The following TOMM20L variants were observed in gnomAD, a reference collection of about 807,000 sequenced individuals.
TOMM20L encodes the protein TOMM20-like protein 1.
In TOMM20L, 19 loss-of-function variants were observed where a neutral mutation model predicts 20.4. The observed-to-expected ratio is 0.93, with a 90% CI of 0.65 to 1.36. TOMM20L has a LOEUF of 1.36. Ranked by LOEUF, TOMM20L falls within the 40% of genes most tolerant of loss-of-function variation. The pLI, the probability that TOMM20L is intolerant of heterozygous loss-of-function variation, is 0.00. For synonymous variants in TOMM20L, 75 were observed against 79.6 expected (o/e 0.94, Z 0.30); for missense variants, 218 against 203.7 (o/e 1.07, Z -0.43).
chr14:58,397,449 G>A (rs2140299050), intron 2 of TOMM20L, among the ~76,000 whole-genome samples: 1 of 152,342 alleles, frequency 6.6e-6, no homozygotes, highest in East Asian at 1.9e-4. Context: ...GGTTTTGAAA[G>A]CACTTGTGTG....
At chr14:58,408,703 C>T (rs2036111453), downstream of TOMM20L, 2 of 905,522 alleles carry the variant, frequency 2.2e-6, no homozygotes, top group Non-Finnish European at 1.6e-6. Context: ...CTATCTCATA[C>T]ATGATCGAAC....
intron 2 of TOMM20L, among the ~76,000 whole-genome samples, chr14:58,400,465 G>A (rs868004519): frequency 2.7e-5 from 4 of 150,780 alleles, no homozygotes; most frequent in African/African-American, 4.9e-5. Context: ...TCAGCTTGGC[G>A]CTATGCCTTT....
At chr14:58,410,147 C>G (rs999727266), downstream of TOMM20L, among the ~76,000 whole-genome samples, 1 of 152,140 alleles carries the variant, frequency 6.6e-6, no homozygotes, top group Non-Finnish European at 1.5e-5. Context: ...TCACAGCTCA[C>G]TGCAACCTCT....
At position 58,396,034 on chromosome 14, in the gene TOMM20L, G is replaced by A; in HGVS notation, c.77G>A (p.Cys26Tyr). Residue 26 changes from cysteine (C) to tyrosine (Y), a missense_variant, in exon 1 of 5, where the codon TGT (cysteine) becomes TAT (tyrosine). Coordinates refer to ENST00000360945, the MANE Select transcript of TOMM20L (RefSeq NM_207377.3). ...ACGAFAFLGY[C>Y]IYLNRKRRGD... ...GGCGCCTTCGCCTTCCTGGGCTATT[G>A]TATTTACCTCAACCGGAAGCGGCGC... The A allele has an allele frequency of 6.9e-7, 1 of 1,440,436 alleles. No homozygotes were observed. The highest frequency in any genetic ancestry group is 9.2e-7 in the Non-Finnish European group (1 of 1,091,844). The allele number at this position is 1,440,436 out of a possible 1,614,324, so 89.2% of individuals were successfully genotyped here.
chr14:58,411,591 G>A (rs1381776526), downstream of TOMM20L, among the ~76,000 whole-genome samples: 1 of 151,772 alleles, frequency 6.6e-6, no homozygotes, highest in African/African-American at 2.4e-5. Flanking sequence ...CCAGGCTGGA[G>A]TGCAATGCCA....
At chr14:58,409,169 C>T, downstream of TOMM20L, 2 of 1,610,776 alleles carry the variant, frequency 1.2e-6, no homozygotes, top group Non-Finnish European at 1.7e-6. Context: ...AACAGGTGGT[C>T]TAGGAATGAA....
the TOMM20L span, among the ~76,000 whole-genome samples, chr14:58,416,762 T>TA: frequency 5.1e-4 from 77 of 152,346 alleles, no homozygotes; most frequent in Non-Finnish European, 9.1e-4. Context: ...TACATGGTGA[T>TA]AAACTAAATC....
At chr14:58,396,864 C>T (rs1441425999) in intron 2 of TOMM20L, among the ~76,000 whole-genome samples, 1 of 152,162 alleles carries the variant, frequency 6.6e-6, no homozygotes, top group African/African-American at 2.4e-5. Flanking sequence ...GGAGGCAAGG[C>T]GGGCAGATCA....
Position 58,404,099 on chromosome 14 carries a change from GTATA to G in TOMM20L, c.262+1356_262+1359del, listed in dbSNP as rs1491246989. ...GTACAATGTATATATACATATATAT[GTATA>G]TATATATATATATATATTTTTTTTT... On this transcript the variant is annotated intron_variant, in intron 3 of 4. Coordinates refer to ENST00000360945, the MANE Select transcript of TOMM20L (RefSeq NM_207377.3). Among the ~76,000 whole-genome samples, 30 of 22,944 alleles carry G rather than the reference GTATA, an allele frequency of 1.3e-3. 8 individuals carry two copies. The East Asian group carries it at 0.019, about 14-fold the overall frequency. The allele number at this position is 22,944 out of a possible 152,430, so 15.1% of individuals were successfully genotyped here. A position where few individuals can be genotyped will look rare whatever the true frequency, so the allele number is the denominator to read the frequency against.
intron 2 of TOMM20L, among the ~76,000 whole-genome samples, chr14:58,401,957 A>C (rs557801670): frequency 6.6e-6 from 1 of 152,240 alleles, no homozygotes. Context: ...AACAGGTCTC[A>C]CAACTAAAAG....
At chr14:58,403,232 CCTGTAGTCCCAGCTA>C (rs1220297611) in intron 3 of TOMM20L, among the ~76,000 whole-genome samples, 3 of 152,164 alleles carry the variant, frequency 2.0e-5, no homozygotes, top group African/African-American at 7.2e-5. Context: ...ATGGCATGTG[CCTGTAGTCCCAGCTA>C]CTCAGAAGGC....
At chr14:58,399,916 A>T (rs1192844632) in intron 2 of TOMM20L, among the ~76,000 whole-genome samples, 4 of 137,302 alleles carry the variant, frequency 2.9e-5, no homozygotes, top group African/African-American at 1.1e-4. Flanking sequence ...ATATATATAT[A>T]TATATATATA....
chr14:58,398,695 T>C (rs1281659144), intron 2 of TOMM20L: 1 of 151,060 alleles, frequency 6.6e-6, no homozygotes, highest in Admixed American at 6.6e-5. Context: ...ATTTTAATTA[T>C]AATATAATCT....
chr14:58,405,560 C>T (rs926036232), intron 3 of TOMM20L, among the ~76,000 whole-genome samples: 4 of 152,068 alleles, frequency 2.6e-5, no homozygotes, highest in Non-Finnish European at 4.4e-5. Context: ...CTGTCACCCA[C>T]GCTGGAGTGC....
chr14:58,402,750 G>T lies in TOMM20L; in HGVS notation c.251G>T (p.Trp84Leu). 6.2e-7 allele frequency: 1 copy of T among 1,612,272 alleles called. No individual in the cohort carries two copies. ...CAAGAGGTACGGATGGGAGAACTTT[G>T]GTTATCTAGAGGTAAGAATGTAAAT... ...FLQEVRMGELWLSRGEHRMGI... is the reference protein window; with the variant it reads ...FLQEVRMGELLLSRGEHRMGI... The change falls in exon 3 of 5, where the codon TGG becomes TTG. Residue 84 changes from tryptophan to leucine, a missense_variant. Physicochemically the swap from Trp to Leu is moderately conservative, Grantham distance 61. Transcript: ENST00000360945.
In TOMM20L at chr14:58,402,749, T is replaced by C; in HGVS notation, c.250T>C (p.Trp84Arg). The change falls in exon 3 of 5, where the codon TGG becomes CGG. Residue 84 changes from tryptophan (W) to arginine (R), a missense_variant. Physicochemically the swap from Trp to Arg is moderately radical, Grantham distance 101 (BLOSUM62 -3). Coordinates refer to ENST00000360945, the MANE Select transcript of TOMM20L (RefSeq NM_207377.3). Reference protein sequence around the residue: ...FLQEVRMGELWLSRGEHRMGI... With the variant: ...FLQEVRMGELRLSRGEHRMGI... ...GCAAGAGGTACGGATGGGAGAACTT[T>C]GGTTATCTAGAGGTAAGAATGTAAA... 1.9e-6 allele frequency: 3 copies of C among 1,612,784 alleles called. No individual in the cohort carries two copies. Among genetic ancestry groups the C allele is most frequent in the Non-Finnish European group, 2.5e-6 (3 of 1,178,912 alleles).
At chr14:58,396,814 G>A (rs2140298545) in intron 2 of TOMM20L, among the ~76,000 whole-genome samples, 1 of 152,344 alleles carries the variant, frequency 6.6e-6, no homozygotes, top group East Asian at 1.9e-4. Context: ...TAAGAGGCGG[G>A]CCGGGCTTGG....
downstream of TOMM20L, among the ~76,000 whole-genome samples, chr14:58,411,246 G>C (rs763837698): frequency 1.3e-5 from 2 of 152,112 alleles, no homozygotes; most frequent in Non-Finnish European, 2.9e-5. Flanking sequence ...TCAGGAGTTC[G>C]AGACCAGCCT....
downstream of TOMM20L, among the ~76,000 whole-genome samples, chr14:58,411,702 C>G (rs576608757): frequency 1.3e-5 from 2 of 151,998 alleles, no homozygotes; most frequent in African/African-American, 4.8e-5. Context: ...GCACGCCCAG[C>G]TAATTTTTGT....
Sources: gnomAD v4.1 joint callset for allele counts (sites outside exome capture counted in the v4.1 genomes callset) on GRCh38, gnomAD v4.1.1 for gene constraint, MANE v1.5 for transcripts, NCBI Gene and HGNC (gene_info 2026-07-23, HGNC 2026-07-21) for gene names.